The following CHSY1 variants were observed in gnomAD, a reference collection of about 807,000 sequenced individuals.
CHSY1 encodes the protein chondroitin sulfate synthase 1.
CHSY1 carries 13 observed loss-of-function variants against 59.8 expected under a neutral mutation model. The ratio of observed to expected loss-of-function variants is 0.22; its 90% CI spans 0.14 to 0.35. CHSY1 has a LOEUF of 0.35. Ranked by LOEUF, CHSY1 falls within the 10% of genes least tolerant of loss-of-function variation. The pLI is 1.00. For synonymous variants in CHSY1, 459 were observed against 401.2 expected (o/e 1.14, Z -1.72); for missense variants, 947 against 1,030.6 (o/e 0.92, Z 1.11).
chr15:101,202,140 G>C (rs2038580296), intron 2 of CHSY1, among the ~76,000 whole-genome samples: 1 of 147,000 alleles, frequency 6.8e-6, no homozygotes, highest in Non-Finnish European at 1.5e-5. Flanking sequence ...CTGCAGGGAA[G>C]GATGGAGGGC....
chr15:101,198,630 C>T (rs750866374), intron 2 of CHSY1, among the ~76,000 whole-genome samples: 2 of 152,198 alleles, frequency 1.3e-5, no homozygotes, highest in Non-Finnish European at 2.9e-5. Context: ...GCGGAGAAAG[C>T]GTACTTTCAA....
At chr15:101,201,720 G>A (rs758766432) in intron 2 of CHSY1, among the ~76,000 whole-genome samples, 1 of 152,236 alleles carries the variant, frequency 6.6e-6, no homozygotes, top group Non-Finnish European at 1.5e-5. Context: ...GGCAGCTCTG[G>A]TGGCCCTGGG....
intron 2 of CHSY1, among the ~76,000 whole-genome samples, chr15:101,225,447 C>T (rs1032823751): frequency 1.3e-5 from 2 of 152,130 alleles, no homozygotes; most frequent in African/African-American, 2.4e-5. Flanking sequence ...TTGTCCCCAC[C>T]CATATCTCAT....
chr15:101,229,659 C>G (rs1486599890), intron 2 of CHSY1, among the ~76,000 whole-genome samples: 1 of 152,162 alleles, frequency 6.6e-6, no homozygotes, highest in Admixed American at 6.5e-5. Flanking sequence ...GTGATCCCAG[C>G]ATTTTGGGAG....
chr15:101,204,431 T>C (rs1367241139), intron 2 of CHSY1, among the ~76,000 whole-genome samples: 1 of 97,532 alleles, frequency 1.0e-5, no homozygotes, highest in Non-Finnish European at 2.0e-5. Flanking sequence ...CGAAACTCCA[T>C]CTCAAATAAT....
intron 2 of CHSY1, among the ~76,000 whole-genome samples, chr15:101,204,868 G>A (rs1483949119): frequency 6.6e-6 from 1 of 152,174 alleles, no homozygotes; most frequent in East Asian, 1.9e-4. Context: ...TCACACCACA[G>A]CATTCCAGCC....
Position 101,233,074 on chromosome 15 carries a change from T to C in CHSY1, c.816+2008A>G, listed in dbSNP as rs139264986. 8.1e-3 allele frequency among the ~76,000 whole-genome samples: 1,241 copies of C among 152,308 alleles called. 15 individuals are homozygous for C. Among genetic ancestry groups the C allele is most frequent in the African/African-American group, 0.027 (1,134 of 41,560 alleles). ...TCAGCTGATGAGGCCACTGACAGGA[T>C]GCACCAAGCCTCAGAGGGGGCTCCA... On this transcript the variant is annotated intron_variant, in intron 2 of 2. Coordinates refer to ENST00000254190, the MANE Select transcript of CHSY1 (RefSeq NM_014918.5).
Position 101,235,227 on chromosome 15 carries a change from C to T in CHSY1, c.671G>A (p.Gly224Asp). Residue 224 changes from glycine to aspartate, a missense_variant, in exon 2 of 3, where the codon GGC becomes GAC. This residue lies in a region of CHSY1 where 108 missense variants were observed against 144.4 expected (regional missense o/e 0.75). Coordinates refer to ENST00000254190, the MANE Select transcript of CHSY1 (RefSeq NM_014918.5). ...PGENFCMGGPGVIMSREVLRR... is the reference protein window; with the variant it reads ...PGENFCMGGPDVIMSREVLRR... ...AAGCACCTCCCGGCTCATGATCACGCCAGGCCCCCCCATGCAGAAGTTCTC... is the reference window on the plus strand; with the variant it reads ...AAGCACCTCCCGGCTCATGATCACGTCAGGCCCCCCCATGCAGAAGTTCTC... 6.2e-7 allele frequency: 1 copy of T among 1,614,126 alleles called. No individual in the cohort carries two copies. The highest frequency in any genetic ancestry group is 8.5e-7 in the Non-Finnish European group (1 of 1,180,012).
chr15:101,234,821 G>T lies in CHSY1; in HGVS notation c.816+261C>A, dbSNP rs8040007. Reference sequence around the variant, plus strand: ...GGCGGAGGTTAAAGTGAGCCGAGATGGCGCCACTGCACTCCAGCCTGGGAG... The same window carrying T: ...GGCGGAGGTTAAAGTGAGCCGAGATTGCGCCACTGCACTCCAGCCTGGGAG... On this transcript the variant is annotated intron_variant, in intron 2 of 2. Transcript: ENST00000254190. Among the ~76,000 whole-genome samples, 59 of 152,072 alleles carry T rather than the reference G, an allele frequency of 3.9e-4. 1 individual carries two copies. The highest frequency in any genetic ancestry group is 3.4e-3 in the Middle Eastern group (1 of 294).
chr15:101,209,617 C>T (rs2141259836), intron 2 of CHSY1, among the ~76,000 whole-genome samples: 1 of 152,218 alleles, frequency 6.6e-6, no homozygotes, highest in East Asian at 1.9e-4. Context: ...ATAGCAGGAT[C>T]AGTTGCTATG....
chr15:101,246,832 T>C (rs748892259), intron 1 of CHSY1, among the ~76,000 whole-genome samples: 1 of 152,100 alleles, frequency 6.6e-6, no homozygotes, highest in Non-Finnish European at 1.5e-5. Flanking sequence ...CTGAACTACA[T>C]GAACATTTCC....
intron 1 of CHSY1, among the ~76,000 whole-genome samples, chr15:101,247,211 C>T (rs1402601690): frequency 6.6e-6 from 1 of 152,078 alleles, no homozygotes; most frequent in Non-Finnish European, 1.5e-5. Context: ...GGCTTTCTTT[C>T]TTTTACTGGC....
In CHSY1 at chr15:101,177,434, C is replaced by T; in HGVS notation, c.2363G>A (p.Ser788Asn). Reference protein sequence around the residue: ...AEMWLEKNDPSYSKSSNNNGS... With the variant: ...AEMWLEKNDPNYSKSSNNNGS... ...ATTATTATTGCTGCTTTTACTGTAA[C>T]TTGGATCATTTTTTTCCAGCCACAT... Residue 788 changes from serine (S) to asparagine (N), a missense_variant, in exon 3 of 3, where the codon AGT (serine) becomes AAT (asparagine). This residue lies in a region of CHSY1 where 602 missense variants were observed against 676.9 expected (regional missense o/e 0.89). Coordinates refer to ENST00000254190, the MANE Select transcript of CHSY1 (RefSeq NM_014918.5). The T allele has an allele frequency of 1.9e-6, 3 of 1,613,608 alleles. No homozygotes were observed. Among genetic ancestry groups the T allele is most frequent in the Non-Finnish European group, 2.5e-6 (3 of 1,179,846 alleles).
chr15:101,194,815 C>T (rs1364037562), intron 2 of CHSY1, among the ~76,000 whole-genome samples: 1 of 152,112 alleles, frequency 6.6e-6, no homozygotes, highest in Admixed American at 6.5e-5. Context: ...ACAGGGAGAG[C>T]TGTGAAGGGT....
At chr15:101,188,260 C>G in intron 2 of CHSY1, 1 of 894,072 alleles carries the variant, frequency 1.1e-6, no homozygotes, top group Non-Finnish European at 1.3e-6. Flanking sequence ...GTCTAAATGT[C>G]AAGAGACCGT....
intron 1 of CHSY1, among the ~76,000 whole-genome samples, chr15:101,238,669 C>T (rs965672596): frequency 2.0e-5 from 3 of 152,112 alleles, no homozygotes; most frequent in Admixed American, 1.3e-4. Context: ...TAATGTTTTC[C>T]CTTAGTGCCT....
chr15:101,251,639 G>C lies in CHSY1; in HGVS notation c.-183C>G, dbSNP rs1427406173. The C allele has an allele frequency of 6.8e-6, 1 of 146,314 alleles. No individual in the cohort carries two copies. The highest frequency in any genetic ancestry group is 2.5e-5 in the African/African-American group (1 of 40,748). The allele number at this position is 146,314 out of a possible 1,614,324, so 9.1% of individuals were successfully genotyped here. On this transcript the variant is annotated 5_prime_UTR_variant, in exon 1 of 3. Transcript: ENST00000254190. ...AGCCGCCCGCAGGCCCCGCGCCGGC[G>C]CTTTGTTCCGCACGCCCGCCCCCGC... is the stretch of plus-strand genomic sequence containing the variant.
chr15:101,251,441 G>T lies in CHSY1; in HGVS notation c.16C>A (p.Arg6=), dbSNP rs1596459193. 4.8e-6 allele frequency: 5 copies of T among 1,050,114 alleles called. No individual in the cohort carries two copies. Among genetic ancestry groups the T allele is most frequent in the East Asian group, 1.0e-4 (1 of 9,670 alleles). The allele number at this position is 1,050,114 out of a possible 1,614,324, so 65.0% of individuals were successfully genotyped here. A position where few individuals can be genotyped will look rare whatever the true frequency, so the allele number is the denominator to read the frequency against. The change falls in exon 1 of 3, where the codon CGG becomes AGG. Residue 6 remains arginine, a synonymous_variant. Transcript: ENST00000254190. MAARG[R]RAWLSVLLGL... ...AGCAGCACGCTGAGCCAGGCGCGCC[G>T]GCCGCGCGCGGCCATGCCCGCGCCG...
At position 101,177,619 on chromosome 15, in the gene CHSY1, C is replaced by T. The variant is rs965076551; in HGVS notation, c.2178G>A (p.Lys726=). ...ACGTCTTCAAACCTGCCTGGACAAC[C>T]TTGTTGAAAAGGTCCACATCCTCCA... The part of the protein sequence containing the change: ...WGLEDVDLFN[K]VVQAGLKTFR... The change falls in exon 3 of 3, where the codon AAG becomes AAA. Residue 726 remains lysine, a synonymous_variant. Transcript: ENST00000254190. 2.5e-6 allele frequency: 4 copies of T among 1,614,102 alleles called. No individual in the cohort carries two copies. The African/African-American group carries it at 5.3e-5, about 22-fold the overall frequency.
Sources: gnomAD v4.1 joint callset for allele counts (sites outside exome capture counted in the v4.1 genomes callset) on GRCh38, gnomAD v4.1.1 for gene constraint, gnomAD v4.1.1 regional missense constraint, MANE v1.5 for transcripts, NCBI Gene and HGNC (gene_info 2026-07-23, HGNC 2026-07-21) for gene names.